Variants in CBR4 observed in about 807,000 individuals in gnomAD.
CBR4 encodes 3-oxoacyl-[acyl-carrier-protein] reductase.
In CBR4, 22 loss-of-function variants were observed where a neutral mutation model predicts 21.0. The ratio of observed to expected loss-of-function variants is 1.05; its 90% confidence interval spans 0.75 to 1.50. The LOEUF is 1.50. Among genes scored for constraint, CBR4 ranks in the 40% most tolerant of loss-of-function variants. CBR4 has a pLI of 0.00. For synonymous variants in CBR4, 100 were observed against 104.4 expected (o/e 0.96, Z 0.26); for missense variants, 302 against 286.3 (o/e 1.05, Z -0.40).
chr4:168,948,324 G>A (rs1763449839), intron 2 of CBR4, among the ~76,000 whole-genome samples: 1 of 152,168 alleles, frequency 6.6e-6, no homozygotes, highest in African/African-American at 2.4e-5. Context: ...TGGGTTGTCT[G>A]TTTAGTCTGC....
At chr4:168,941,234 AT>A (rs1763256021) in intron 2 of CBR4, among the ~76,000 whole-genome samples, 1 of 152,168 alleles carries the variant, frequency 6.6e-6, no homozygotes, top group Non-Finnish European at 1.5e-5. Flanking sequence ...TAAATGACCA[AT>A]TGATGGGTGC....
At chr4:168,908,779 A>G (rs1434728155) in intron 2 of CBR4, among the ~76,000 whole-genome samples, 1 of 152,198 alleles carries the variant, frequency 6.6e-6, no homozygotes, top group Non-Finnish European at 1.5e-5. Flanking sequence ...TGAAACACAG[A>G]CGGTAGAGCT....
At chr4:168,973,270 T>A (rs1007552573) in intron 2 of CBR4, among the ~76,000 whole-genome samples, 5 of 152,216 alleles carry the variant, frequency 3.3e-5, no homozygotes, top group Non-Finnish European at 7.3e-5. Flanking sequence ...AGTTTTGGTA[T>A]ATGGGTAATA....
At chr4:168,972,727 G>A (rs1468328715) in intron 2 of CBR4, among the ~76,000 whole-genome samples, 6 of 152,044 alleles carry the variant, frequency 3.9e-5, no homozygotes, top group Non-Finnish European at 7.4e-5. Context: ...ATCAGCAAAC[G>A]GTGACAGTTT....
chr4:168,920,517 A>G (rs1045567953), intron 2 of CBR4, among the ~76,000 whole-genome samples: 1 of 152,196 alleles, frequency 6.6e-6, no homozygotes, highest in African/African-American at 2.4e-5. Context: ...GTAGGGGGTA[A>G]AAAGGCCTTC....
intron 3 of CBR4, among the ~76,000 whole-genome samples, chr4:169,002,748 T>A (rs2126857036): frequency 6.6e-6 from 1 of 152,234 alleles, no homozygotes; most frequent in African/African-American, 2.4e-5. Context: ...GCATTTTTTT[T>A]TTTTTTTTTT....
chr4:168,912,388 C>CA (rs1759151277), intron 2 of CBR4, among the ~76,000 whole-genome samples: 1 of 152,166 alleles, frequency 6.6e-6, no homozygotes, highest in Non-Finnish European at 1.5e-5. Flanking sequence ...TTTAGAAGCA[C>CA]ATCTTCTCAT....
Position 168,941,676 on chromosome 4 carries a change from CCCA to C in CBR4, n.170-46914_170-46912del, listed in dbSNP as rs1306213603. On this transcript the variant is annotated intron_variant and non_coding_transcript_variant, in intron 2 of 3. Transcript: ENST00000509108. ...CACAATGATTGAACTAATTTACACT[CCCA>C]CCAACAGCGTAAAAGCCTTCCTATT... Among the ~76,000 whole-genome samples, 7 of 152,296 alleles carry C rather than the reference CCCA, an allele frequency of 4.6e-5. No homozygotes were observed. In the East Asian group the frequency reaches 1.4e-3, roughly 29 times the overall value.
chr4:168,943,601 T>C (rs902942723), intron 2 of CBR4, among the ~76,000 whole-genome samples: 1 of 152,162 alleles, frequency 6.6e-6, no homozygotes, highest in African/African-American at 2.4e-5. Context: ...GTTGAACATG[T>C]GAATGGGGAA....
intron 2 of CBR4, among the ~76,000 whole-genome samples, chr4:168,978,244 C>T (rs1281543057): frequency 1.3e-5 from 2 of 152,182 alleles, no homozygotes; most frequent in East Asian, 1.9e-4. Flanking sequence ...AAAGGCTTTA[C>T]AGTCAGCCCT....
At chr4:168,972,898 T>A (rs1056066244) in intron 2 of CBR4, among the ~76,000 whole-genome samples, 3 of 152,228 alleles carry the variant, frequency 2.0e-5, no homozygotes, top group Non-Finnish European at 4.4e-5. Flanking sequence ...TTCAGTATAA[T>A]GTTGGTTGTG....
intron 2 of CBR4, among the ~76,000 whole-genome samples, chr4:168,951,292 C>G (rs956392975): frequency 2.6e-5 from 4 of 152,126 alleles, no homozygotes; most frequent in Non-Finnish European, 5.9e-5. Flanking sequence ...CTCTTGACCT[C>G]GTGATCCACC....
intron 2 of CBR4, among the ~76,000 whole-genome samples, chr4:168,918,293 T>G (rs970058517): frequency 1.3e-5 from 2 of 151,116 alleles, no homozygotes; most frequent in Admixed American, 6.6e-5. Context: ...TCAGCCTAAG[T>G]GTCAACAGAT....
At chr4:168,999,745 T>C (rs1730253758) in intron 4 of CBR4, among the ~76,000 whole-genome samples, 1 of 152,044 alleles carries the variant, frequency 6.6e-6, no homozygotes, top group African/African-American at 2.4e-5. Flanking sequence ...GCAAACTGGA[T>C]TCCCACTATT....
rs569037761 is a variant in CBR4, at chr4:168,975,716, G to C, written n.169+26355C>G. Among the ~76,000 whole-genome samples the C allele has an allele frequency of 2.0e-5, 3 of 152,314 alleles. No individual in the cohort carries two copies. The East Asian group carries it at 5.8e-4, about 29-fold the overall frequency. Reference sequence around the variant, plus strand: ...AGAGAAAAACCATCAGGTGGGGGCAGGGTTAGGCAGGTCTGAGCTCAGATT... The same window carrying C: ...AGAGAAAAACCATCAGGTGGGGGCACGGTTAGGCAGGTCTGAGCTCAGATT... On this transcript the variant is annotated intron_variant and non_coding_transcript_variant, in intron 2 of 3. Transcript: ENST00000509108.
chr4:168,902,343 A>G (rs1756701983), intron 2 of CBR4, among the ~76,000 whole-genome samples: 1 of 152,156 alleles, frequency 6.6e-6, no homozygotes. Context: ...GGAAAGGTTT[A>G]TTTGCTTATC....
chr4:168,903,890 T>C lies in CBR4; in HGVS notation n.170-9125A>G, dbSNP rs1018273720. The C allele has an allele frequency of 1.2e-6, 2 of 1,614,124 alleles. No individual in the cohort carries two copies. The highest frequency in any genetic ancestry group is 1.1e-5 in the South Asian group (1 of 91,090). ...GATGATGATGGGAATTATACAATTATGGCTGCAAACCCTCAGGTAAAGAAG... is the reference window on the plus strand; with the variant it reads ...GATGATGATGGGAATTATACAATTACGGCTGCAAACCCTCAGGTAAAGAAG... On this transcript the variant is annotated intron_variant and non_coding_transcript_variant, in intron 2 of 3. Transcript: ENST00000509108.
chr4:168,911,388 G>A (rs116346655), intron 2 of CBR4, among the ~76,000 whole-genome samples: 1,528 of 152,238 alleles, frequency 0.01, 16 homozygotes, highest in Non-Finnish European at 0.017. Flanking sequence ...CATATCACAA[G>A]GAAGGATATA....
chr4:168,985,271 C>A (rs915453132), downstream of CBR4, among the ~76,000 whole-genome samples: 2 of 151,910 alleles, frequency 1.3e-5, no homozygotes, highest in Admixed American at 6.6e-5. Context: ...TACGTGCAGC[C>A]AACAAGCATA....
Sources: gnomAD v4.1 joint callset for allele counts (sites outside exome capture counted in the v4.1 genomes callset) on GRCh38, gnomAD v4.1.1 for gene constraint, MANE v1.5 for transcripts, NCBI Gene and HGNC (gene_info 2026-07-23, HGNC 2026-07-21) for gene names.